Variants in TMCO6 observed in about 807,000 individuals in gnomAD.
The protein encoded by TMCO6 is transmembrane and coiled-coil domain-containing protein 6.
A neutral mutation model predicts 61.8 loss-of-function variants in TMCO6; 47 were observed. The ratio of observed to expected loss-of-function variants is 0.76; its 90% CI spans 0.60 to 0.97. The LOEUF (loss-of-function observed/expected upper bound fraction) is 0.97, where lower values mean the gene tolerates loss of function less well. Among genes scored for constraint, TMCO6 ranks in the 50% least tolerant of loss-of-function variants. The probability of loss-of-function intolerance (pLI) is 0.00; values close to 1 mark genes in which losing one functional copy is unlikely to be tolerated. For synonymous variants in TMCO6, 261 were observed against 254.2 expected (o/e 1.03, Z -0.25); for missense variants, 557 against 601.6 (o/e 0.93, Z 0.78).
the TMCO6 span, among the ~76,000 whole-genome samples, chr5:140,598,660 T>C: frequency 6.6e-6 from 1 of 151,984 alleles, no homozygotes; most frequent in Admixed American, 6.6e-5. Flanking sequence ...CCTGGCCGGG[T>C]GCAGTGGCTT....
the TMCO6 span, among the ~76,000 whole-genome samples, chr5:140,611,324 T>C: frequency 6.6e-6 from 1 of 152,196 alleles, no homozygotes; most frequent in South Asian, 2.1e-4. Flanking sequence ...AGTCTGCTTT[T>C]AGCTTCCCTA....
At chr5:140,600,376 GT>G in the TMCO6 span, among the ~76,000 whole-genome samples, 1 of 151,684 alleles carries the variant, frequency 6.6e-6, no homozygotes, top group African/African-American at 2.4e-5. Context: ...ATTTTATACT[GT>G]TTGAAATTAA....
intron 2 of TMCO6, chr5:140,641,280 A>C (rs1009363943): frequency 4.8e-5 from 8 of 168,328 alleles, no homozygotes; most frequent in Non-Finnish European, 3.8e-5. Context: ...AAAGAAAAAG[A>C]AAAAGCTCAT....
chr5:140,604,170 T>C, the TMCO6 span, among the ~76,000 whole-genome samples: 3 of 152,096 alleles, frequency 2.0e-5, no homozygotes, highest in Non-Finnish European at 4.4e-5. Context: ...TTCAAGTTGC[T>C]TGCCTTATTA....
the TMCO6 span, among the ~76,000 whole-genome samples, chr5:140,608,882 G>A: frequency 1.3e-5 from 2 of 152,142 alleles, no homozygotes; most frequent in Non-Finnish European, 2.9e-5. Context: ...CTACCACACT[G>A]TCTTAGTTAC....
upstream of TMCO6, among the ~76,000 whole-genome samples, chr5:140,637,875 C>CGCTT (rs111503800): frequency 0.11 from 16,097 of 152,062 alleles, 904 homozygotes; most frequent in Middle Eastern, 0.14. Flanking sequence ...CGAGTTGTCC[C>CGCTT]GCCTTTCTGT....
intron 11 of TMCO6, 33 bp downstream of exon 11, chr5:140,644,773 CCT>C (rs1476694113): frequency 1.2e-6 from 2 of 1,611,630 alleles, no homozygotes; most frequent in Admixed American, 1.7e-5. Context: ...CTCAGTCACC[CCT>C]GTTCTGAAGC....
the TMCO6 span, chr5:140,631,963 C>A: frequency 1.2e-6 from 2 of 1,613,654 alleles, no homozygotes; most frequent in Non-Finnish European, 1.7e-6. Context: ...ATTGAGCCCT[C>A]GTGGGGGAGG....
upstream of TMCO6, among the ~76,000 whole-genome samples, chr5:140,638,540 C>A (rs1358367564): frequency 6.7e-6 from 1 of 150,014 alleles, no homozygotes; most frequent in Admixed American, 6.7e-5. Context: ...CTCATCATAT[C>A]CCAGATTTCT....
chr5:140,621,236 T>C, the TMCO6 span, among the ~76,000 whole-genome samples: 10 of 152,314 alleles, frequency 6.6e-5, no homozygotes, highest in African/African-American at 2.4e-4. Context: ...CCTTTGCTGA[T>C]TCCTCCCTGT....
chr5:140,617,733 A>C, the TMCO6 span, among the ~76,000 whole-genome samples: 2 of 6,748 alleles, frequency 3.0e-4, no homozygotes, highest in African/African-American at 9.6e-4. Context: ...GTCTCTGTCA[A>C]AAAAAAAAAA....
intron 11 of TMCO6, 32 bp from the exon 12 acceptor site, chr5:140,644,953 C>A: frequency 1.9e-6 from 3 of 1,600,256 alleles, no homozygotes; most frequent in Non-Finnish European, 2.6e-6. Context: ...ACACAGAGAC[C>A]AGGTGTGTTG....
rs1757318042 is a variant in TMCO6 at position 140,645,065 on chromosome 5, G to A, written c.1449G>A (p.Val483=). ...AAGAGGCCCAGCTCCAGGATCGTGT[G>A]TATGCTCTCCAGCAGACAGCTCTTC... ...HQEEAQLQDR[V]YALQQTALQG is the part of the protein sequence containing the mutation. Residue 483 remains valine, a synonymous_variant, in exon 12 of 12, where the codon GTG becomes GTA. Coordinates refer to ENST00000394671, the MANE Select transcript of TMCO6 (RefSeq NM_018502.5). 1 of 1,614,214 alleles carries A rather than the reference G, an allele frequency of 6.2e-7. No homozygotes were observed. The highest frequency in any genetic ancestry group is 8.5e-7 in the Non-Finnish European group (1 of 1,180,030).
chr5:140,644,903 A>G (rs972575503), intron 11 of TMCO6, 82 bp from the exon 12 acceptor site: 1 of 1,529,356 alleles, frequency 6.5e-7, no homozygotes, highest in African/African-American at 1.4e-5. Flanking sequence ...CACCCTCTGG[A>G]GTAGGCTGAC....
upstream of TMCO6, among the ~76,000 whole-genome samples, chr5:140,635,774 G>A (rs970529919): frequency 6.6e-6 from 1 of 152,138 alleles, no homozygotes; most frequent in African/African-American, 2.4e-5. Flanking sequence ...TGGGGGAGAG[G>A]GGTGGAGGGG....
At chr5:140,639,392 C>T, upstream of TMCO6, 1 of 873,466 alleles carries the variant, frequency 1.1e-6, no homozygotes, top group Non-Finnish European at 1.8e-6. Context: ...CGCCCTCACC[C>T]AGCACCCACC....
intron 11 of TMCO6, 21 bp downstream of exon 11, chr5:140,644,761 T>C (rs1757292313): frequency 1.2e-6 from 2 of 1,613,544 alleles, no homozygotes; most frequent in African/African-American, 2.7e-5. Context: ...CTGGCCCACA[T>C]CCTCAGTCAC....
At chr5:140,618,741 A>G in the TMCO6 span, among the ~76,000 whole-genome samples, 2 of 152,150 alleles carry the variant, frequency 1.3e-5, no homozygotes. Flanking sequence ...TTTTTTCAAC[A>G]AATGGTGCTG....
chr5:140,607,461 T>C, the TMCO6 span, among the ~76,000 whole-genome samples: 1 of 152,252 alleles, frequency 6.6e-6, no homozygotes, highest in African/African-American at 2.4e-5. Flanking sequence ...ACTTGAATCA[T>C]TTCCATGTTT....
Sources: allele counts gnomAD v4.1 joint callset (sites outside exome capture counted in the v4.1 genomes callset), GRCh38; gene constraint gnomAD v4.1.1; transcripts MANE v1.5; gene names NCBI Gene and HGNC (gene_info 2026-07-23, HGNC 2026-07-21).